Variants in NOX3 observed in about 807,000 individuals in gnomAD.
The protein encoded by NOX3 is NADPH oxidase 3.
Under a neutral mutation model 76.7 loss-of-function variants are expected in NOX3, and 74 were observed. That is an observed-to-expected ratio of 0.96 (90% CI 0.80 to 1.17). The LOEUF is 1.17. NOX3 is among the 50% of genes most tolerant of loss of function. NOX3 has a pLI of 0.00. For synonymous variants in NOX3, 263 were observed against 261.1 expected, an observed-to-expected ratio of 1.01 and a Z score of -0.07; for missense variants, 695 against 703.3, an observed-to-expected ratio of 0.99 and a Z score of 0.13.
Position 155,453,532 on chromosome 6 carries a change from G to C in NOX3, c.256-44C>G, listed in dbSNP as rs757347735. 4 of 1,418,260 alleles carry C rather than the reference G, an allele frequency of 2.8e-6. No homozygotes were observed. The South Asian group carries it at 3.4e-5, about 12-fold the overall frequency. The allele number at this position is 1,418,260 out of a possible 1,614,324, so 87.9% of individuals were successfully genotyped here. A position where few individuals can be genotyped will look rare whatever the true frequency, so the allele number is the denominator to read the frequency against. ...ATGCCTGATTTATGGAAAAATTGCA[G>C]TGAAAACAATCTCATGAAAGTTAAG... is the stretch of plus-strand genomic sequence containing the variant. On this transcript the variant is annotated intron_variant, in intron 3 of 13. Transcript: ENST00000159060.
intron 11 of NOX3, 45 bp downstream of exon 11, chr6:155,411,169 A>G: frequency 6.4e-7 from 1 of 1,555,778 alleles, no homozygotes; most frequent in Non-Finnish European, 8.8e-7. Flanking sequence ...CATTGCTATT[A>G]GATGAGTTCA....
intron 4 of NOX3, among the ~76,000 whole-genome samples, chr6:155,449,142 A>G (rs1321970450): frequency 6.6e-6 from 1 of 152,070 alleles, no homozygotes; most frequent in Admixed American, 6.6e-5. Flanking sequence ...TGGGTCTCCA[A>G]ATCTTTATTT....
intron 5 of NOX3, among the ~76,000 whole-genome samples, chr6:155,442,556 A>G (rs1469759595): frequency 6.6e-6 from 1 of 152,248 alleles, no homozygotes; most frequent in South Asian, 2.1e-4. Context: ...TGCTGCACAC[A>G]TATGCCAATA....
At chr6:155,428,586 C>CTTT (rs35328292) in intron 9 of NOX3, among the ~76,000 whole-genome samples, 4 of 138,450 alleles carry the variant, frequency 2.9e-5, no homozygotes, top group South Asian at 2.3e-4. Flanking sequence ...GTCTTTTTTT[C>CTTT]TTTTTTTTTT....
chr6:155,404,515 A>G (rs1410554299), intron 12 of NOX3, among the ~76,000 whole-genome samples: 1 of 152,228 alleles, frequency 6.6e-6, no homozygotes, highest in Admixed American at 6.5e-5. Flanking sequence ...AAAGTCTCCA[A>G]GGCCACTGCC....
chr6:155,435,137 G>A (rs979594241), intron 7 of NOX3, among the ~76,000 whole-genome samples: 1 of 152,170 alleles, frequency 6.6e-6, no homozygotes, highest in Non-Finnish European at 1.5e-5. Flanking sequence ...AATAATGGGA[G>A]AGAGTGACAC....
chr6:155,419,656 C>T (rs561094072), intron 10 of NOX3, among the ~76,000 whole-genome samples: 3 of 152,002 alleles, frequency 2.0e-5, no homozygotes, highest in African/African-American at 7.3e-5. Context: ...ATCAATGTCC[C>T]TATTTTATGG....
chr6:155,453,323 G>A, intron 4 of NOX3, 81 bp downstream of exon 4: 1 of 1,072,596 alleles, frequency 9.3e-7, no homozygotes, highest in Non-Finnish European at 1.5e-6. Flanking sequence ...GGTGAGACTT[G>A]GGGAAGGCAG....
At chr6:155,420,067 T>G (rs879503942) in intron 10 of NOX3, among the ~76,000 whole-genome samples, 2 of 152,128 alleles carry the variant, frequency 1.3e-5, no homozygotes, top group Non-Finnish European at 2.9e-5. Flanking sequence ...GAAGCTATGT[T>G]CAAGGAACTC....
At chr6:155,418,014 G>A (rs113557144) in intron 10 of NOX3, among the ~76,000 whole-genome samples, 11 of 152,274 alleles carry the variant, frequency 7.2e-5, no homozygotes, top group East Asian at 3.9e-4. Context: ...CTGTTGTATC[G>A]TAGTCTGAAG....
chr6:155,438,433 C>T (rs1056079041), intron 6 of NOX3, among the ~76,000 whole-genome samples: 1 of 152,222 alleles, frequency 6.6e-6, no homozygotes, highest in African/African-American at 2.4e-5. Context: ...TAAGGCTCAG[C>T]AGAGGCACAG....
At chr6:155,435,669 T>C (rs952348340) in intron 7 of NOX3, among the ~76,000 whole-genome samples, 6 of 152,236 alleles carry the variant, frequency 3.9e-5, no homozygotes, top group Non-Finnish European at 7.3e-5. Context: ...CTCCTACTGT[T>C]TATCTGCCAG....
chr6:155,413,269 G>A (rs1339057378), intron 10 of NOX3, among the ~76,000 whole-genome samples: 1 of 152,156 alleles, frequency 6.6e-6, no homozygotes, highest in Non-Finnish European at 1.5e-5. Flanking sequence ...GAGGTCCTGA[G>A]TGAGACCTTT....
At chr6:155,417,172 A>G (rs1051499476) in intron 10 of NOX3, among the ~76,000 whole-genome samples, 1 of 152,216 alleles carries the variant, frequency 6.6e-6, no homozygotes, top group African/African-American at 2.4e-5. Flanking sequence ...CGGTGCCCGA[A>G]GTTATGCTTT....
At chr6:155,443,683 T>C (rs1016279145) in intron 4 of NOX3, among the ~76,000 whole-genome samples, 2 of 152,036 alleles carry the variant, frequency 1.3e-5, no homozygotes, top group Admixed American at 6.5e-5. Context: ...TGTATAGTTA[T>C]CATGGAAGTG....
intron 10 of NOX3, among the ~76,000 whole-genome samples, chr6:155,412,011 CAAA>C (rs139313858): frequency 0.022 from 3,380 of 152,232 alleles, 56 homozygotes; most frequent in African/African-American, 0.05. Context: ...TGGCATGTGA[CAAA>C]AAGTAGCTTG....
chr6:155,411,702 G>T (rs1295282807), intron 10 of NOX3, among the ~76,000 whole-genome samples: 3 of 152,132 alleles, frequency 2.0e-5, no homozygotes, highest in African/African-American at 7.2e-5. Flanking sequence ...GCTCCCAAAG[G>T]GGGATAAACC....
chr6:155,398,490 C>CACAT (rs1476950462), intron 12 of NOX3, among the ~76,000 whole-genome samples: 1 of 152,178 alleles, frequency 6.6e-6, no homozygotes, highest in African/African-American at 2.4e-5. Context: ...ACCATCACAT[C>CACAT]CACAGTAGAA....
intron 10 of NOX3, among the ~76,000 whole-genome samples, chr6:155,414,022 G>A (rs1022717322): frequency 1.3e-5 from 2 of 152,112 alleles, no homozygotes; most frequent in East Asian, 1.9e-4. Context: ...GCATGTCAGC[G>A]TCCTTAGGGT....
Sources: allele counts gnomAD v4.1 joint callset (sites outside exome capture counted in the v4.1 genomes callset), GRCh38; gene constraint gnomAD v4.1.1; transcripts MANE v1.5; gene names NCBI Gene and HGNC (gene_info 2026-07-23, HGNC 2026-07-21).